The following ELFN1 variants were observed in gnomAD, a reference collection of about 807,000 sequenced individuals.
The protein encoded by ELFN1 is extracellular leucine rich repeat and fibronectin type III domain containing 1.
Under a neutral mutation model 7.6 loss-of-function variants are expected in ELFN1, and 6 were observed. That is an observed-to-expected ratio of 0.79 (90% confidence interval 0.43 to 1.56). ELFN1 has a LOEUF of 1.56. Among genes scored for constraint, ELFN1 ranks in the 40% most tolerant of loss-of-function variants. The probability of loss-of-function intolerance (pLI) is 0.01; values close to 1 mark genes in which losing one functional copy is unlikely to be tolerated. For synonymous variants in ELFN1, 657 were observed against 588.1 expected, an observed-to-expected ratio of 1.12 and a Z score of -1.70; for missense variants, 1,169 against 1,232.2, an observed-to-expected ratio of 0.95 and a Z score of 0.77.
intron 2 of ELFN1, among the ~76,000 whole-genome samples, chr7:1,701,990 T>C (rs116420780): frequency 0.031 from 4,655 of 152,248 alleles, 232 homozygotes; most frequent in African/African-American, 0.11. Context: ...TGAAAAGTTA[T>C]GCCTCCTCTC....
intron 1 of ELFN1, among the ~76,000 whole-genome samples, chr7:1,672,447 C>T (rs1450661966): frequency 1.3e-5 from 2 of 151,974 alleles, no homozygotes; most frequent in Admixed American, 1.3e-4. Context: ...GAGTAGTTGC[C>T]TGTCTCGGAC....
intron 1 of ELFN1, among the ~76,000 whole-genome samples, chr7:1,684,579 C>T (rs1393634545): frequency 6.6e-6 from 1 of 152,042 alleles, no homozygotes; most frequent in Non-Finnish European, 1.5e-5. Context: ...AAATACTTTT[C>T]ATGTGCCATT....
chr7:1,670,053 A>G (rs1348871578), upstream of ELFN1, among the ~76,000 whole-genome samples: 2 of 150,216 alleles, frequency 1.3e-5, no homozygotes, highest in African/African-American at 4.9e-5. This position sits in a 1 kb window ranked among gnomAD's most constrained non-coding sequence, Gnocchi z 6.4. Flanking sequence ...GAGGCCAGGG[A>G]GAGAAGGGGA....
At chr7:1,734,539 C>T (rs1780394921) in intron 3 of ELFN1, among the ~76,000 whole-genome samples, 1 of 152,146 alleles carries the variant, frequency 6.6e-6, no homozygotes, top group African/African-American at 2.4e-5. Context: ...CCTGAGCCCT[C>T]CCCGCTCTGG....
chr7:1,711,773 C>A, intron 3 of ELFN1, among the ~76,000 whole-genome samples: 1 of 152,206 alleles, frequency 6.6e-6, no homozygotes, highest in African/African-American at 2.4e-5. Context: ...ACAGTGTCCC[C>A]ACCTGAAATG....
At chr7:1,684,520 A>G (rs1299438240) in intron 1 of ELFN1, among the ~76,000 whole-genome samples, 1 of 152,096 alleles carries the variant, frequency 6.6e-6, no homozygotes, top group Non-Finnish European at 1.5e-5. Context: ...TCCATGTCTC[A>G]TGTCTTTACC....
intron 2 of ELFN1, among the ~76,000 whole-genome samples, chr7:1,700,871 C>T (rs757052205): frequency 1.6e-4 from 24 of 152,156 alleles, no homozygotes; most frequent in African/African-American, 4.6e-4. Context: ...CAGTTGAGCA[C>T]GGGGTTTTTG....
intron 1 of ELFN1, among the ~76,000 whole-genome samples, chr7:1,685,910 G>A (rs894918286): frequency 5.5e-5 from 8 of 145,876 alleles, no homozygotes; most frequent in East Asian, 2.0e-4. Flanking sequence ...ATCTTTCAAC[G>A]GTTTATATAA....
intron 3 of ELFN1, among the ~76,000 whole-genome samples, chr7:1,724,044 C>T (rs971418803): frequency 3.9e-5 from 6 of 152,240 alleles, no homozygotes; most frequent in African/African-American, 1.4e-4. Flanking sequence ...GCTTAGGCCC[C>T]GGCCCCACCA....
chr7:1,697,768 G>A (rs1261125651), intron 2 of ELFN1, among the ~76,000 whole-genome samples: 2 of 152,276 alleles, frequency 1.3e-5, no homozygotes, highest in Admixed American at 6.5e-5. Context: ...CACCTGAACA[G>A]ATTTTTAAAA....
intron 1 of ELFN1, among the ~76,000 whole-genome samples, chr7:1,686,255 A>G (rs1447919767): frequency 1.3e-5 from 2 of 149,670 alleles, no homozygotes; most frequent in African/African-American, 4.9e-5. Flanking sequence ...AAGCTGTGAA[A>G]TTCATTTTCC....
intron 3 of ELFN1, among the ~76,000 whole-genome samples, chr7:1,743,120 G>A (rs533267574): frequency 6.6e-6 from 1 of 152,272 alleles, no homozygotes; most frequent in Non-Finnish European, 1.5e-5. Flanking sequence ...GGAGCCCAGC[G>A]GGATGCCTCG....
chr7:1,693,439 A>G, intron 2 of ELFN1: 1 of 471,296 alleles, frequency 2.1e-6, no homozygotes, highest in Non-Finnish European at 4.4e-6. Flanking sequence ...CATAGGTGAC[A>G]TGGGCTTAGA....
At chr7:1,741,937 C>A (rs900321973) in intron 3 of ELFN1, among the ~76,000 whole-genome samples, 6 of 152,132 alleles carry the variant, frequency 3.9e-5, no homozygotes, top group African/African-American at 1.2e-4. Context: ...AATCACCTGC[C>A]CTGTGTACAC....
chr7:1,686,311 G>GTTT (rs1202953401), intron 1 of ELFN1, among the ~76,000 whole-genome samples: 9 of 113,950 alleles, frequency 7.9e-5, no homozygotes, highest in East Asian at 2.3e-4. Context: ...GTTTGTCCTT[G>GTTT]TTTTTTTTTT....
intron 3 of ELFN1, among the ~76,000 whole-genome samples, chr7:1,729,429 A>C (rs563980951): frequency 5.9e-5 from 9 of 152,168 alleles, no homozygotes; most frequent in Admixed American, 1.3e-4. Flanking sequence ...AGCCAGTGCC[A>C]TGGCCCTAGC....
Position 1,744,875 on chromosome 7 carries a change from G to A in ELFN1, c.279G>A (p.Lys93=), listed in dbSNP as rs1228308800. The A allele has an allele frequency of 1.2e-5, 19 of 1,569,836 alleles. No individual in the cohort carries two copies. Residue 93 remains lysine (K), a synonymous_variant, in exon 4 of 4, where the codon AAG becomes AAA. Transcript: ENST00000424383. ...FGNLTYLNLT[K]NEIGYIEDGA... ...ACCTCACGTACCTCAACCTCACCAA[G>A]AACGAGATCGGCTACATCGAGGACG...
At chr7:1,716,273 C>T (rs569850294) in intron 3 of ELFN1, among the ~76,000 whole-genome samples, 2 of 152,338 alleles carry the variant, frequency 1.3e-5, no homozygotes, top group Admixed American at 6.5e-5. Context: ...GCTGGTCCCA[C>T]AGCCAGAGGG....
At chr7:1,716,756 C>G (rs749624764) in intron 3 of ELFN1, among the ~76,000 whole-genome samples, 1 of 152,216 alleles carries the variant, frequency 6.6e-6, no homozygotes, top group Non-Finnish European at 1.5e-5. Context: ...AACTGTGATT[C>G]CAGCAGCTAA....
Sources: allele counts gnomAD v4.1 joint callset (sites outside exome capture counted in the v4.1 genomes callset), GRCh38; gene constraint gnomAD v4.1.1; non-coding constraint Gnocchi (gnomAD v3.1); transcripts MANE v1.5; gene names NCBI Gene and HGNC (gene_info 2026-07-23, HGNC 2026-07-21).